Variants in USH2A observed in about 807,000 individuals in gnomAD.
The protein encoded by USH2A is Usher syndrome 2A (autosomal recessive, mild).
A neutral mutation model predicts 538.9 loss-of-function variants in USH2A; 443 were observed. The observed-to-expected ratio is 0.82, with a 90% CI of 0.76 to 0.89. USH2A has a LOEUF of 0.89. Among genes scored for constraint, USH2A ranks in the 40% least tolerant of loss-of-function variants. The probability of loss-of-function intolerance (pLI) is 0.00; values close to 1 mark genes in which losing one functional copy is unlikely to be tolerated. For synonymous variants in USH2A, 2,413 were observed against 2,273.5 expected (o/e 1.06, Z -1.75); for missense variants, 6,633 against 6,324.8 (o/e 1.05, Z -1.65).
intron 9 of USH2A, among the ~76,000 whole-genome samples, chr1:216,300,420 C>G (rs1390457145): frequency 6.6e-6 from 1 of 152,142 alleles, no homozygotes; most frequent in Non-Finnish European, 1.5e-5. Flanking sequence ...GGTCAAGGAC[C>G]TTTACCACTG....
At chr1:216,408,355 G>A (rs1003939646) in intron 3 of USH2A, among the ~76,000 whole-genome samples, 1 of 152,232 alleles carries the variant, frequency 6.6e-6, no homozygotes, top group East Asian at 1.9e-4. Flanking sequence ...TGCGCATACA[G>A]TAGTCCCCCT....
At chr1:216,167,548 A>G (rs576362919) in intron 21 of USH2A, among the ~76,000 whole-genome samples, 14 of 152,190 alleles carry the variant, frequency 9.2e-5, no homozygotes, top group African/African-American at 3.4e-4. Context: ...TGGACATTCA[A>G]CTTCTCCCAA....
At position 215,813,798 on chromosome 1, in the gene USH2A, C is replaced by T. The variant is rs1338539009; in HGVS notation, c.9677G>A (p.Arg3226Gln). ...ATGATTTGGTTGTGCCTCCTGTATTCGGCCACCACAACAAACTCCAGTAGA... is the reference window on the plus strand; with the variant it reads ...ATGATTTGGTTGTGCCTCCTGTATTTGGCCACCACAACAAACTCCAGTAGA... ...LNSTGVCCGGRIQEAQPNHQC... is the reference protein window; with the variant it reads ...LNSTGVCCGGQIQEAQPNHQC... The change falls in exon 49 of 72, where the codon CGA becomes CAA. Residue 3226 changes from arginine to glutamine, a missense_variant. By Grantham distance (43) the Arg-to-Gln change is conservative. Coordinates refer to ENST00000307340, the MANE Select transcript of USH2A (RefSeq NM_206933.4). The T allele has an allele frequency of 5.0e-6, 8 of 1,613,884 alleles. No homozygotes were observed. The highest frequency in any genetic ancestry group is 3.3e-5 in the Admixed American group (2 of 59,988).
At chr1:216,317,088 G>A (rs1028135582) in intron 9 of USH2A, among the ~76,000 whole-genome samples, 6 of 152,162 alleles carry the variant, frequency 3.9e-5, no homozygotes, top group Non-Finnish European at 8.8e-5. Flanking sequence ...AGGTTGTGGA[G>A]AAAAGGGAAC....
chr1:216,201,263 G>C (rs2034992239), intron 16 of USH2A, among the ~76,000 whole-genome samples: 3 of 150,638 alleles, frequency 2.0e-5, no homozygotes, highest in African/African-American at 4.9e-5. Flanking sequence ...ACAAATCTTT[G>C]GAGTGATAAC....
intron 61 of USH2A, among the ~76,000 whole-genome samples, chr1:215,691,436 T>A (rs1658605739): frequency 6.6e-6 from 1 of 152,162 alleles, no homozygotes; most frequent in African/African-American, 2.4e-5. Context: ...AACAAGCTCG[T>A]GCCTTGAGGC....
intron 16 of USH2A, among the ~76,000 whole-genome samples, chr1:216,205,844 CT>C (rs1479137561): frequency 2.0e-5 from 3 of 152,102 alleles, no homozygotes; most frequent in African/African-American, 4.8e-5. Flanking sequence ...GTAAAAATTC[CT>C]ATTTTTTTCA....
At chr1:216,139,527 T>C (rs2033559641) in intron 21 of USH2A, among the ~76,000 whole-genome samples, 1 of 152,224 alleles carries the variant, frequency 6.6e-6, no homozygotes, top group African/African-American at 2.4e-5. Flanking sequence ...ATATGCTTGA[T>C]GATAACACTA....
Position 215,854,681 on chromosome 1 carries a change from G to C in USH2A, c.8846-8648C>G, listed in dbSNP as rs554214048. 4.6e-5 allele frequency among the ~76,000 whole-genome samples: 7 copies of C among 152,346 alleles called. No individual in the cohort carries two copies. In the South Asian group the frequency reaches 1.2e-3, roughly 27 times the overall value. ...TGCACGGAGCTTTATAGACTGGCTT[G>C]AGGAGGCAGTGCCTGATTTACATAG... On this transcript the variant is annotated intron_variant, in intron 44 of 71. Coordinates refer to ENST00000307340, the MANE Select transcript of USH2A (RefSeq NM_206933.4).
In USH2A at chr1:215,782,065, C is replaced by A. The variant is rs199968998; in HGVS notation, c.10717G>T (p.Ala3573Ser). The stretch of plus-strand genomic sequence containing the variant: ...ACCTTGCTACTGGTGGCACAGCCAG[C>A]AACCGTGCAAGCTTTCAGCTGATAT... ...YSYQLKACTVAGCATSSKVVA... is the reference protein window; with the variant it reads ...YSYQLKACTVSGCATSSKVVA... The change falls in exon 54 of 72, where the codon GCT (alanine) becomes TCT (serine). Residue 3573 changes from alanine (A) to serine (S), a missense_variant. Transcript: ENST00000307340. The A allele has an allele frequency of 1.2e-6, 2 of 1,614,024 alleles. No individual in the cohort carries two copies. Among genetic ancestry groups the A allele is most frequent in the African/African-American group, 1.3e-5 (1 of 75,050 alleles).
Position 215,840,572 on chromosome 1 carries a change from A to T in USH2A, c.9259-2469T>A, listed in dbSNP as rs115114862. Reference sequence around the variant, plus strand: ...AGGAGGCTTTATACCTACTGGCTTGAGTTATTTATACCTGACTCAAACCAG... The same window carrying T: ...AGGAGGCTTTATACCTACTGGCTTGTGTTATTTATACCTGACTCAAACCAG... On this transcript the variant is annotated intron_variant, in intron 46 of 71. Transcript: ENST00000307340. 5.4e-3 allele frequency among the ~76,000 whole-genome samples: 820 copies of T among 152,266 alleles called. 6 individuals carry two copies. Among genetic ancestry groups the T allele is most frequent in the African/African-American group, 0.018 (759 of 41,546 alleles).
chr1:216,191,975 T>C (rs532768478), intron 19 of USH2A, among the ~76,000 whole-genome samples: 4 of 152,214 alleles, frequency 2.6e-5, no homozygotes, highest in Non-Finnish European at 4.4e-5. Context: ...AATACATTAT[T>C]GGCCCCAGAA....
rs2797227 is a variant in USH2A, at chr1:215,760,118, C to T, written c.11048-275G>A. On this transcript the variant is annotated intron_variant, in intron 56 of 71. Coordinates refer to ENST00000307340, the MANE Select transcript of USH2A (RefSeq NM_206933.4). ...CTCTGAGAGTATTTTAAATCAAGGC[C>T]TGAGAGATCATCTGGGGATTTCAAA... Among the ~76,000 whole-genome samples, 98,410 of 152,040 alleles carry T rather than the reference C, an allele frequency of 0.65. 34,850 individuals are homozygous for T. The highest frequency in any genetic ancestry group is 0.79 in the Non-Finnish European group (53,922 of 67,998).
rs557312996 is a variant in USH2A, at chr1:216,206,429, G to A, written c.3316+844C>T. On this transcript the variant is annotated intron_variant, in intron 16 of 71. Coordinates refer to ENST00000307340, the MANE Select transcript of USH2A (RefSeq NM_206933.4). Reference sequence around the variant, plus strand: ...ATTTATTATTAGATTATCATAAGGAGCGTGCAACCTAGATCCCTCGCATGC... The same window carrying A: ...ATTTATTATTAGATTATCATAAGGAACGTGCAACCTAGATCCCTCGCATGC... Among the ~76,000 whole-genome samples, 4 of 152,192 alleles carry A rather than the reference G, an allele frequency of 2.6e-5. No individual in the cohort carries two copies. The South Asian group carries it at 8.3e-4, about 32-fold the overall frequency.
intron 46 of USH2A, among the ~76,000 whole-genome samples, chr1:215,843,019 C>A (rs1050785462): frequency 2.3e-4 from 35 of 152,138 alleles, no homozygotes; most frequent in African/African-American, 7.0e-4. Context: ...ATGTACCTTT[C>A]TTCTTTATTC....
intron 32 of USH2A, among the ~76,000 whole-genome samples, chr1:216,043,216 T>C (rs1009647411): frequency 5.9e-5 from 9 of 152,104 alleles, no homozygotes; most frequent in African/African-American, 2.2e-4. Flanking sequence ...CTCTGATTAC[T>C]GACTAGAGTT....
intron 43 of USH2A, among the ~76,000 whole-genome samples, chr1:215,875,256 C>T (rs764692096): frequency 5.9e-5 from 9 of 151,824 alleles, no homozygotes; most frequent in Admixed American, 3.3e-4. Flanking sequence ...TAAAGACTCA[C>T]GCCATTTACA....
chr1:215,913,048 C>T (rs1287456621), intron 38 of USH2A, among the ~76,000 whole-genome samples: 1 of 152,110 alleles, frequency 6.6e-6, no homozygotes, highest in Non-Finnish European at 1.5e-5. Context: ...TTCCTGTTTA[C>T]TATGCAATCT....
intron 35 of USH2A, among the ~76,000 whole-genome samples, chr1:215,973,698 A>G (rs1667551233): frequency 6.8e-6 from 1 of 147,308 alleles, no homozygotes; most frequent in South Asian, 2.1e-4. Context: ...TAGTAAGTCA[A>G]CCCTTAGCAA....
Sources: allele counts gnomAD v4.1 joint callset (sites outside exome capture counted in the v4.1 genomes callset), GRCh38; gene constraint gnomAD v4.1.1; transcripts MANE v1.5; gene names NCBI Gene and HGNC (gene_info 2026-07-23, HGNC 2026-07-21).